The following CORO1C variants were observed in gnomAD, a reference collection of about 807,000 sequenced individuals.
CORO1C encodes the protein coronin-1C.
In CORO1C, 14 loss-of-function variants were observed where a neutral mutation model predicts 51.2. That is an observed-to-expected ratio of 0.27 (90% confidence interval 0.18 to 0.43). CORO1C has a LOEUF of 0.43. CORO1C is among the 20% of genes least tolerant of loss of function. The pLI is 1.00. For synonymous variants in CORO1C, 181 were observed against 210.5 expected, an observed-to-expected ratio of 0.86 and a Z score of 1.21; for missense variants, 417 against 607.8, an observed-to-expected ratio of 0.69 and a Z score of 3.30.
At chr12:108,662,401 G>T (rs899651036) in intron 3 of CORO1C, among the ~76,000 whole-genome samples, 1 of 151,996 alleles carries the variant, frequency 6.6e-6, no homozygotes, top group Non-Finnish European at 1.5e-5. Context: ...GAGTGCAGTG[G>T]CGCGATCTCG....
intron 6 of CORO1C, among the ~76,000 whole-genome samples, chr12:108,657,067 T>A (rs569355843): frequency 1.1e-4 from 16 of 151,768 alleles, no homozygotes; most frequent in Admixed American, 7.2e-4. Flanking sequence ...TAAAAAAAAT[T>A]AAAAAAATAA....
intron 1 of CORO1C, among the ~76,000 whole-genome samples, chr12:108,716,729 C>G (rs955269023): frequency 1.3e-5 from 2 of 152,126 alleles, no homozygotes; most frequent in Non-Finnish European, 2.9e-5. Context: ...TACAGGAAAT[C>G]CTTCTTTCAC....
chr12:108,705,250 A>G (rs923503883), intron 1 of CORO1C, among the ~76,000 whole-genome samples: 1 of 152,044 alleles, frequency 6.6e-6, no homozygotes, highest in African/African-American at 2.4e-5. Flanking sequence ...AGGCCGAGGA[A>G]GGCAGATCAC....
intron 1 of CORO1C, among the ~76,000 whole-genome samples, chr12:108,712,710 G>A (rs767199614): frequency 5.9e-5 from 9 of 151,640 alleles, no homozygotes; most frequent in Admixed American, 2.0e-4. Context: ...GGCCGGGCAC[G>A]TTGGCTCACG....
chr12:108,660,505 A>C (rs1362502061), intron 4 of CORO1C, among the ~76,000 whole-genome samples: 1 of 152,008 alleles, frequency 6.6e-6, no homozygotes, highest in East Asian at 1.9e-4. Flanking sequence ...AAACTACACA[A>C]CAGTAACAAA....
At chr12:108,706,186 C>CAAAAAAA (rs368147183) in intron 1 of CORO1C, among the ~76,000 whole-genome samples, 21 of 118,410 alleles carry the variant, frequency 1.8e-4, no homozygotes, top group Middle Eastern at 4.5e-3. Context: ...GACTCTGAAT[C>CAAAAAAA]AAAAAAAAAC....
intron 2 of CORO1C, among the ~76,000 whole-genome samples, chr12:108,679,611 T>C (rs943897926): frequency 2.0e-5 from 3 of 152,266 alleles, no homozygotes; most frequent in Admixed American, 6.5e-5. Context: ...TGCTCTTATA[T>C]GGCAAATCAT....
At chr12:108,691,095 T>G (rs115879260) in intron 2 of CORO1C, among the ~76,000 whole-genome samples, 1,933 of 145,108 alleles carry the variant, frequency 0.013, 26 homozygotes, top group African/African-American at 0.046. Flanking sequence ...CAACTTTTTT[T>G]GGGGGGTGGG....
At chr12:108,711,696 A>G (rs1470421405) in intron 1 of CORO1C, among the ~76,000 whole-genome samples, 2 of 151,814 alleles carry the variant, frequency 1.3e-5, no homozygotes, top group Non-Finnish European at 1.5e-5. Flanking sequence ...AAAAAAAAAA[A>G]CTTATCTTAT....
intron 3 of CORO1C, among the ~76,000 whole-genome samples, chr12:108,668,832 G>A (rs2033601989): frequency 6.6e-6 from 1 of 152,190 alleles, no homozygotes; most frequent in African/African-American, 2.4e-5. Flanking sequence ...AACTTAAGTT[G>A]ACTGCTCTTT....
chr12:108,669,575 T>C (rs1206838491), intron 3 of CORO1C, among the ~76,000 whole-genome samples: 1 of 151,868 alleles, frequency 6.6e-6, no homozygotes, highest in Non-Finnish European at 1.5e-5. Flanking sequence ...GATATCCTTC[T>C]TCTACTAAAA....
intron 2 of CORO1C, among the ~76,000 whole-genome samples, chr12:108,694,410 T>C (rs1225775475): frequency 6.6e-6 from 1 of 152,122 alleles, no homozygotes; most frequent in Non-Finnish European, 1.5e-5. Context: ...CACAAACATT[T>C]AAGCAATAGT....
chr12:108,724,966 GT>G (rs1197147339), intron 1 of CORO1C, among the ~76,000 whole-genome samples: 1 of 152,148 alleles, frequency 6.6e-6, no homozygotes, highest in Non-Finnish European at 1.5e-5. Flanking sequence ...TTATCACACT[GT>G]AACCAGAAGA....
intron 2 of CORO1C, among the ~76,000 whole-genome samples, chr12:108,682,764 T>C (rs1168129090): frequency 6.6e-6 from 1 of 152,174 alleles, no homozygotes; most frequent in Non-Finnish European, 1.5e-5. Context: ...AATTATCAAT[T>C]AGGAGACCAC....
rs1057367204 is a variant in CORO1C at position 108,650,180 on chromosome 12, C to CTTTTT, written c.1002-1165_1002-1161dup. On this transcript the variant is annotated intron_variant, in intron 8 of 10. Transcript: ENST00000261401. ...AAAGAGTCCCAGATAAACCAAAAAC[C>CTTTTT]TTTTTTTTTTTTTTTTTTTTTTTTT... 2.0e-4 allele frequency among the ~76,000 whole-genome samples: 16 copies of CTTTTT among 80,440 alleles called. 1 individual carries two copies. Among genetic ancestry groups the CTTTTT allele is most frequent in the Admixed American group, 5.6e-4 (3 of 5,384 alleles). The allele number at this position is 80,440 out of a possible 152,430, so 52.8% of individuals were successfully genotyped here.
At chr12:108,668,920 A>C (rs550247366) in intron 3 of CORO1C, among the ~76,000 whole-genome samples, 1 of 152,224 alleles carries the variant, frequency 6.6e-6, no homozygotes, top group African/African-American at 2.4e-5. Context: ...ACAATCTTAA[A>C]ACTCTCTTTG....
At chr12:108,676,317 T>C (rs1805927682) in intron 3 of CORO1C, among the ~76,000 whole-genome samples, 1 of 152,228 alleles carries the variant, frequency 6.6e-6, no homozygotes, top group Non-Finnish European at 1.5e-5. Context: ...CTTAACTCCC[T>C]GAGTCTGCTT....
chr12:108,714,448 C>T (rs1365188504), intron 1 of CORO1C, among the ~76,000 whole-genome samples: 1 of 148,132 alleles, frequency 6.8e-6, no homozygotes, highest in Non-Finnish European at 1.5e-5. Flanking sequence ...GCATAAAACA[C>T]TAGAAACACA....
At chr12:108,679,109 CAAAAAAA>C (rs1183326267) in intron 2 of CORO1C, among the ~76,000 whole-genome samples, 4 of 22,172 alleles carry the variant, frequency 1.8e-4, no homozygotes, top group East Asian at 1.4e-3. Context: ...GACTCTGTCT[CAAAAAAA>C]AAAAAAAAAA....
Sources: allele counts gnomAD v4.1 joint callset (sites outside exome capture counted in the v4.1 genomes callset), GRCh38; gene constraint gnomAD v4.1.1; transcripts MANE v1.5; gene names NCBI Gene and HGNC (gene_info 2026-07-23, HGNC 2026-07-21).